Variants in SDHAF3 observed in about 807,000 individuals in gnomAD.
SDHAF3 encodes succinate dehydrogenase assembly factor 3, mitochondrial.
SDHAF3 carries 18 observed loss-of-function variants against 11.5 expected under a neutral mutation model. The observed-to-expected ratio is 1.56, with a 90% CI of 1.08 to 2.32. The LOEUF (loss-of-function observed/expected upper bound fraction) is 2.32, where lower values mean the gene tolerates loss of function less well. Ranked by LOEUF, SDHAF3 falls within the 30% of genes most tolerant of loss-of-function variation. The pLI is 0.00. For synonymous variants in SDHAF3, 72 were observed against 59.3 expected (o/e 1.21, Z -0.99); for missense variants, 200 against 154.4 (o/e 1.30, Z -1.57).
chr7:97,175,060 T>C (rs961567468), intron 1 of SDHAF3, among the ~76,000 whole-genome samples: 3 of 152,178 alleles, frequency 2.0e-5, no homozygotes, highest in Admixed American at 6.5e-5. Context: ...TGTACTAATA[T>C]CAGAAGACAT....
intron 1 of SDHAF3, among the ~76,000 whole-genome samples, chr7:97,177,662 AT>A (rs1163494437): frequency 2.0e-5 from 3 of 152,106 alleles, no homozygotes; most frequent in Non-Finnish European, 4.4e-5. Flanking sequence ...TTAAAACTGG[AT>A]AATTTCTATT....
intron 1 of SDHAF3, among the ~76,000 whole-genome samples, chr7:97,174,997 G>C (rs1382418831): frequency 6.6e-6 from 1 of 152,062 alleles, no homozygotes; most frequent in Non-Finnish European, 1.5e-5. Context: ...AGGCTTACTA[G>C]GTGTATTTTT....
intron 1 of SDHAF3, among the ~76,000 whole-genome samples, chr7:97,164,704 A>G (rs929382230): frequency 2.0e-5 from 3 of 152,050 alleles, no homozygotes; most frequent in East Asian, 3.9e-4. Flanking sequence ...TAGCTATGAC[A>G]TTTATGCCCT....
At chr7:97,133,265 G>A (rs185723461) in intron 1 of SDHAF3, among the ~76,000 whole-genome samples, 11 of 152,304 alleles carry the variant, frequency 7.2e-5, no homozygotes, top group African/African-American at 2.6e-4. Flanking sequence ...TTTATGTCAG[G>A]ATTTGCTGCC....
intron 1 of SDHAF3, among the ~76,000 whole-genome samples, chr7:97,125,934 A>C (rs1404008102): frequency 6.6e-6 from 1 of 152,220 alleles, no homozygotes; most frequent in Non-Finnish European, 1.5e-5. Flanking sequence ...TGGAATTTGC[A>C]GCATTTTTGT....
intron 1 of SDHAF3, among the ~76,000 whole-genome samples, chr7:97,121,427 T>C (rs1253411401): frequency 6.6e-6 from 1 of 152,234 alleles, no homozygotes; most frequent in Admixed American, 6.5e-5. Flanking sequence ...TTTTTCTGAG[T>C]TGTCTCTTGC....
At chr7:97,133,819 A>G (rs190089325) in intron 1 of SDHAF3, among the ~76,000 whole-genome samples, 17 of 152,352 alleles carry the variant, frequency 1.1e-4, no homozygotes, top group Non-Finnish European at 1.6e-4. Context: ...CTTTGCTTTC[A>G]GAGCTCTAAA....
intron 1 of SDHAF3, among the ~76,000 whole-genome samples, chr7:97,148,168 A>T (rs1385071116): frequency 1.3e-5 from 2 of 152,242 alleles, no homozygotes; most frequent in Non-Finnish European, 2.9e-5. Context: ...AGGATTACAG[A>T]TGTGAGCCAC....
At chr7:97,179,102 C>G (rs1238940848) in intron 1 of SDHAF3, among the ~76,000 whole-genome samples, 1 of 152,172 alleles carries the variant, frequency 6.6e-6, no homozygotes, top group Non-Finnish European at 1.5e-5. Flanking sequence ...ATTATTCTTT[C>G]CTCCACTGAA....
intron 1 of SDHAF3, among the ~76,000 whole-genome samples, chr7:97,132,855 G>C (rs985200182): frequency 1.3e-5 from 2 of 152,100 alleles, no homozygotes; most frequent in African/African-American, 2.4e-5. Context: ...TATAGGGTCT[G>C]GTAATTGATC....
chr7:97,171,398 A>G lies in SDHAF3; in HGVS notation c.175-9614A>G, dbSNP rs543010972. Among the ~76,000 whole-genome samples the G allele has an allele frequency of 3.9e-5, 6 of 152,310 alleles. No homozygotes were observed. In the East Asian group the frequency reaches 1.2e-3, roughly 29 times the overall value. On this transcript the variant is annotated intron_variant, in intron 1 of 1. Transcript: ENST00000432641. ...TAGCTATCCAGGAAGTTGTGAGAATAGTAGCACAATTTATGCCTATTTTAA... is the reference window on the plus strand; with the variant it reads ...TAGCTATCCAGGAAGTTGTGAGAATGGTAGCACAATTTATGCCTATTTTAA...
At chr7:97,119,827 A>G (rs1033170512) in intron 1 of SDHAF3, among the ~76,000 whole-genome samples, 7 of 152,016 alleles carry the variant, frequency 4.6e-5, no homozygotes, top group African/African-American at 9.7e-5. Flanking sequence ...AGTTTGTCTG[A>G]TGTTTTCTCA....
chr7:97,119,447 A>G (rs1397462531), intron 1 of SDHAF3, among the ~76,000 whole-genome samples: 1 of 152,210 alleles, frequency 6.6e-6, no homozygotes, highest in Non-Finnish European at 1.5e-5. Context: ...AGGCTTGGTA[A>G]CTGGGATTGA....
At chr7:97,154,183 T>G (rs1226451562) in intron 1 of SDHAF3, among the ~76,000 whole-genome samples, 1 of 150,056 alleles carries the variant, frequency 6.7e-6, no homozygotes, top group East Asian at 2.0e-4. Flanking sequence ...TGGGGGAGAT[T>G]ACAAAGAACC....
At chr7:97,154,947 A>T (rs554635021) in intron 1 of SDHAF3, among the ~76,000 whole-genome samples, 34 of 152,206 alleles carry the variant, frequency 2.2e-4, no homozygotes, top group Admixed American at 5.2e-4. Context: ...TCAATTAGGC[A>T]TATTTGTCAG....
In SDHAF3 at chr7:97,142,042, C is replaced by CTTTTTTTTTTTTT. The variant is rs71131003; in HGVS notation, c.174+24162_174+24174dup. On this transcript the variant is annotated intron_variant, in intron 1 of 1. Transcript: ENST00000432641. ...AGCAATGAAATGTGTGAATTGTTGT[C>CTTTTTTTTTTTTT]TTTTTTTTTTTTTTTTTTTTTTTTT... Among the ~76,000 whole-genome samples the CTTTTTTTTTTTTT allele has an allele frequency of 7.3e-4, 45 of 61,692 alleles. 11 individuals are homozygous for CTTTTTTTTTTTTT. The East Asian group carries it at 0.013, about 18-fold the overall frequency. 40.5% of individuals were successfully genotyped at this position (61,692 alleles called of 152,430 possible).
intron 1 of SDHAF3, among the ~76,000 whole-genome samples, chr7:97,174,486 G>C (rs1789651233): frequency 6.6e-6 from 1 of 152,170 alleles, no homozygotes; most frequent in Non-Finnish European, 1.5e-5. Context: ...TAGAGGAATT[G>C]TTTCTTTCTG....
intron 1 of SDHAF3, among the ~76,000 whole-genome samples, chr7:97,136,717 G>A (rs1413589282): frequency 2.0e-5 from 3 of 152,176 alleles, no homozygotes; most frequent in South Asian, 2.1e-4. Context: ...TTTTGCTTTA[G>A]CTTAGTCTGT....
chr7:97,169,142 G>A (rs534861664), intron 1 of SDHAF3, among the ~76,000 whole-genome samples: 61 of 152,210 alleles, frequency 4.0e-4, no homozygotes, highest in African/African-American at 1.4e-3. Flanking sequence ...CCTGGCCAGC[G>A]TGTTGAAACC....
Sources: allele counts gnomAD v4.1 joint callset (sites outside exome capture counted in the v4.1 genomes callset), GRCh38; gene constraint gnomAD v4.1.1; transcripts MANE v1.5; gene names NCBI Gene and HGNC (gene_info 2026-07-23, HGNC 2026-07-21).